The following ACER3 variants were observed in gnomAD, a reference collection of about 807,000 sequenced individuals.
The protein encoded by ACER3 is alkaline ceramidase 3.
A neutral mutation model predicts 48.9 loss-of-function variants in ACER3; 16 were observed. The ratio of observed to expected loss-of-function variants is 0.33; its 90% CI spans 0.22 to 0.50. The LOEUF is 0.50. Among genes scored for constraint, ACER3 ranks in the 20% least tolerant of loss-of-function variants. The pLI is 0.98. For synonymous variants in ACER3, 109 were observed against 107.8 expected (o/e 1.01, Z -0.07); for missense variants, 227 against 326.0 (o/e 0.70, Z 2.34).
At chr11:77,016,212 C>T (rs1565230052) in intron 8 of ACER3, among the ~76,000 whole-genome samples, 1 of 151,832 alleles carries the variant, frequency 6.6e-6, no homozygotes, top group African/African-American at 2.4e-5. Context: ...AATGTGTTGG[C>T]CTTTTTTGGA....
chr11:76,973,587 G>A (rs10899339), intron 3 of ACER3, among the ~76,000 whole-genome samples: 16,249 of 152,102 alleles, frequency 0.11, 1,062 homozygotes, highest in East Asian at 0.36. Context: ...GTCCCTTCCT[G>A]CCCCTAGCAG....
intron 3 of ACER3, among the ~76,000 whole-genome samples, chr11:76,963,932 G>A (rs895132147): frequency 6.6e-5 from 10 of 151,434 alleles, no homozygotes; most frequent in East Asian, 1.9e-4. Flanking sequence ...CTGAGGTACC[G>A]GGTTCATCTC....
chr11:76,950,818 T>C (rs1435329141), intron 2 of ACER3, among the ~76,000 whole-genome samples: 1 of 152,160 alleles, frequency 6.6e-6, no homozygotes, highest in African/African-American at 2.4e-5. Context: ...AGGTTTTCTC[T>C]TGATAGCCTT....
At chr11:76,919,086 T>G (rs1441643281) in intron 1 of ACER3, among the ~76,000 whole-genome samples, 1 of 152,238 alleles carries the variant, frequency 6.6e-6, no homozygotes, top group Non-Finnish European at 1.5e-5. Flanking sequence ...ACAGTGGAAG[T>G]GAAGCAATAT....
chr11:77,001,866 TG>T (rs1949037866), intron 7 of ACER3, among the ~76,000 whole-genome samples: 1 of 152,224 alleles, frequency 6.6e-6, no homozygotes, highest in Non-Finnish European at 1.5e-5. Flanking sequence ...TTAGATTGGG[TG>T]GCTTAACCAA....
chr11:76,978,255 G>A (rs1244220451), intron 4 of ACER3: 1 of 152,330 alleles, frequency 6.6e-6, no homozygotes, highest in Non-Finnish European at 1.5e-5. Flanking sequence ...TCCGGGTGGA[G>A]TCTGTGGCCC....
intron 7 of ACER3, among the ~76,000 whole-genome samples, chr11:77,011,662 T>A (rs1949266068): frequency 6.6e-6 from 1 of 152,150 alleles, no homozygotes; most frequent in Admixed American, 6.5e-5. Flanking sequence ...TGATCATTTT[T>A]AAACGAATCA....
chr11:77,016,382 A>G (rs1949369994), intron 8 of ACER3, among the ~76,000 whole-genome samples: 1 of 152,174 alleles, frequency 6.6e-6, no homozygotes, highest in South Asian at 2.1e-4. Flanking sequence ...TTTTAGAAAT[A>G]CATACTAAAT....
At chr11:76,916,644 A>G (rs1454929356) in intron 1 of ACER3, among the ~76,000 whole-genome samples, 1 of 152,198 alleles carries the variant, frequency 6.6e-6, no homozygotes, top group Non-Finnish European at 1.5e-5. Flanking sequence ...AAAAGTGGAG[A>G]GGAAGAAGGG....
chr11:76,908,410 A>T (rs1208058146), intron 1 of ACER3, among the ~76,000 whole-genome samples: 1 of 152,138 alleles, frequency 6.6e-6, no homozygotes, highest in Non-Finnish European at 1.5e-5. Flanking sequence ...AAGTCTCAGG[A>T]TACAAAATGT....
At chr11:76,960,963 G>A in intron 3 of ACER3, among the ~76,000 whole-genome samples, 1 of 152,258 alleles carries the variant, frequency 6.6e-6, no homozygotes, top group Non-Finnish European at 1.5e-5. Context: ...GAAGGTGAGA[G>A]TGACTTCTAC....
At chr11:76,923,641 G>A (rs937485877) in intron 1 of ACER3, among the ~76,000 whole-genome samples, 11 of 152,268 alleles carry the variant, frequency 7.2e-5, no homozygotes, top group Non-Finnish European at 1.6e-4. Context: ...AAGCTACTTG[G>A]AAACAGTTTG....
intron 1 of ACER3, among the ~76,000 whole-genome samples, chr11:76,903,037 TAAA>T (rs1006762980): frequency 6.6e-6 from 1 of 152,236 alleles, no homozygotes; most frequent in Non-Finnish European, 1.5e-5. Context: ...TAGTAAATGA[TAAA>T]ATAGACTAGT....
intron 1 of ACER3, among the ~76,000 whole-genome samples, chr11:76,889,280 G>C (rs557561370): frequency 6.7e-6 from 1 of 148,558 alleles, no homozygotes; most frequent in African/African-American, 2.5e-5. Flanking sequence ...TTGCCTCTTG[G>C]TTTTTTTTTT....
chr11:76,928,125 G>A (rs1946881607), intron 2 of ACER3, among the ~76,000 whole-genome samples: 1 of 152,092 alleles, frequency 6.6e-6, no homozygotes, highest in Non-Finnish European at 1.5e-5. Context: ...AGCACGTGTT[G>A]TTTCCTGACT....
intron 2 of ACER3, among the ~76,000 whole-genome samples, chr11:76,938,919 G>T (rs1947264172): frequency 1.4e-5 from 2 of 147,414 alleles, no homozygotes; most frequent in Non-Finnish European, 3.0e-5. Context: ...GGCTAAGGCA[G>T]GGAAAGTACA....
intron 1 of ACER3, among the ~76,000 whole-genome samples, chr11:76,914,900 A>T (rs1030202353): frequency 4.6e-5 from 7 of 152,180 alleles, no homozygotes; most frequent in African/African-American, 1.7e-4. Context: ...CTTTGTAGGG[A>T]CATGGATGAA....
intron 1 of ACER3, among the ~76,000 whole-genome samples, chr11:76,886,055 T>A (rs1392291355): frequency 6.6e-6 from 1 of 152,190 alleles, no homozygotes; most frequent in African/African-American, 2.4e-5. Context: ...TTGTGATAAA[T>A]GCTGTAAATA....
chr11:77,017,994 A>G (rs1304678806), intron 9 of ACER3, among the ~76,000 whole-genome samples: 1 of 123,580 alleles, frequency 8.1e-6, no homozygotes, highest in Non-Finnish European at 1.6e-5. Flanking sequence ...GCTGGAGTGC[A>G]GTGGCACTAT....
Sources: gnomAD v4.1 joint callset for allele counts (sites outside exome capture counted in the v4.1 genomes callset) on GRCh38, gnomAD v4.1.1 for gene constraint, MANE v1.5 for transcripts, NCBI Gene and HGNC (gene_info 2026-07-23, HGNC 2026-07-21) for gene names.